The following OXSR1 variants were observed in gnomAD, a reference collection of about 807,000 sequenced individuals.
OXSR1 encodes oxidative stress responsive kinase 1.
In OXSR1, 24 loss-of-function variants were observed where a neutral mutation model predicts 79.8. The observed-to-expected ratio is 0.30, with a 90% confidence interval of 0.22 to 0.42. The LOEUF is 0.42. OXSR1 is among the 10% of genes least tolerant of loss of function. The pLI is 1.00. For synonymous variants in OXSR1, 226 were observed against 209.2 expected (o/e 1.08, Z -0.69); for missense variants, 430 against 618.4 (o/e 0.70, Z 3.23).
intron 17 of OXSR1, 64 bp downstream of exon 17, chr3:38,252,456 C>T (rs1703277809): frequency 2.0e-6 from 2 of 1,024,130 alleles, no homozygotes; most frequent in African/African-American, 3.2e-5. Context: ...TTCTCCAGAC[C>T]AGCTTCTATA....
chr3:38,174,173 G>C (rs1180335533), intron 1 of OXSR1, among the ~76,000 whole-genome samples: 1 of 152,194 alleles, frequency 6.6e-6, no homozygotes, highest in Non-Finnish European at 1.5e-5. Flanking sequence ...ATGGATGCTT[G>C]GTCCTGATTG....
At chr3:38,245,403 A>G (rs891375218) in intron 12 of OXSR1, among the ~76,000 whole-genome samples, 6 of 152,206 alleles carry the variant, frequency 3.9e-5, no homozygotes, top group African/African-American at 1.4e-4. Flanking sequence ...TTTTAGTTTT[A>G]AAGCATCACA....
chr3:38,235,363 A>T (rs1380323933), intron 10 of OXSR1, among the ~76,000 whole-genome samples: 4 of 152,320 alleles, frequency 2.6e-5, no homozygotes, highest in Non-Finnish European at 2.9e-5. Context: ...AAAAGAGTTC[A>T]AAAGGCCCAG....
intron 4 of OXSR1, among the ~76,000 whole-genome samples, chr3:38,209,223 T>TATTG (rs1395478218): frequency 2.6e-5 from 4 of 152,146 alleles, no homozygotes. Flanking sequence ...CTTATTTGGT[T>TATTG]ATTGATTGAT....
chr3:38,195,244 G>A (rs1296491439), intron 3 of OXSR1, among the ~76,000 whole-genome samples: 2 of 152,166 alleles, frequency 1.3e-5, no homozygotes, highest in East Asian at 1.9e-4. Flanking sequence ...AGTACTTAAA[G>A]GGAGTAAGTG....
chr3:38,193,853 A>G (rs991785785), intron 3 of OXSR1, among the ~76,000 whole-genome samples: 2 of 152,148 alleles, frequency 1.3e-5, no homozygotes, highest in African/African-American at 4.8e-5. Flanking sequence ...AAGTGCCTAT[A>G]TTTTTATGAG....
chr3:38,206,332 G>A (rs1040477353), intron 4 of OXSR1, among the ~76,000 whole-genome samples: 1 of 152,118 alleles, frequency 6.6e-6, no homozygotes, highest in East Asian at 1.9e-4. Flanking sequence ...TCAAGGTAAT[G>A]CTTTTGAAAT....
At chr3:38,164,391 C>T (rs1487737835), upstream of OXSR1, among the ~76,000 whole-genome samples, 3 of 152,148 alleles carry the variant, frequency 2.0e-5, no homozygotes, top group African/African-American at 7.2e-5. Context: ...GGTGGTCCGC[C>T]CGCCTCCGCC....
intron 1 of OXSR1, among the ~76,000 whole-genome samples, chr3:38,172,254 CT>C (rs199758352): frequency 4.6e-5 from 7 of 151,314 alleles, no homozygotes; most frequent in Non-Finnish European, 8.8e-5. Context: ...ATTTTCGCAT[CT>C]TTTTTTTTCT....
chr3:38,202,144 C>T (rs1344576063), intron 4 of OXSR1, among the ~76,000 whole-genome samples: 1 of 152,074 alleles, frequency 6.6e-6, no homozygotes, highest in Non-Finnish European at 1.5e-5. Context: ...TTAGTAATTT[C>T]ATAATTGGGT....
chr3:38,250,964 C>T (rs1559530818), intron 15 of OXSR1, among the ~76,000 whole-genome samples: 1 of 151,856 alleles, frequency 6.6e-6, no homozygotes, highest in African/African-American at 2.4e-5. Context: ...GATTGTACCA[C>T]CTGGAATAAC....
rs531569116 is a variant in OXSR1 at position 38,176,105 on chromosome 3, G to A, written c.71-6898G>A. 2.0e-3 allele frequency among the ~76,000 whole-genome samples: 310 copies of A among 151,914 alleles called. 1 individual carries two copies. The highest frequency in any genetic ancestry group is 7.2e-3 in the African/African-American group (300 of 41,396). On this transcript the variant is annotated intron_variant, in intron 1 of 17. Coordinates refer to ENST00000311806, the MANE Select transcript of OXSR1 (RefSeq NM_005109.3). ...CATTCCTAACAGATACCTTTTACCC[G>A]TATGTATGAATATTTATACTGAAGT...
chr3:38,236,814 A>T, intron 10 of OXSR1, 25 bp from the exon 11 acceptor site: 1 of 1,581,554 alleles, frequency 6.3e-7, no homozygotes, highest in East Asian at 2.3e-5. Context: ...TACCACCATA[A>T]CCCACTTCTC....
Position 38,165,898 on chromosome 3 carries a change from C to T in OXSR1, c.22C>T (p.Leu8=), listed in dbSNP as rs1422496415. ...CGTCATGTCCGAGGACTCGAGCGCC[C>T]TGCCCTGGTCCATCAACAGGGACGA... MSEDSSA[L]PWSINRDDYE... is the part of the protein sequence containing the mutation. Residue 8 remains leucine (L), a synonymous_variant, in exon 1 of 18, where the codon CTG becomes TTG. Coordinates refer to ENST00000311806, the MANE Select transcript of OXSR1 (RefSeq NM_005109.3). 11 of 1,611,622 alleles carry T rather than the reference C, an allele frequency of 6.8e-6. No individual in the cohort carries two copies. The highest frequency in any genetic ancestry group is 8.5e-6 in the Non-Finnish European group (10 of 1,179,608).
At chr3:38,229,569 G>A (rs934281690) in intron 8 of OXSR1, 118 bp from the exon 9 acceptor site, 94 of 717,438 alleles carry the variant, frequency 1.3e-4, no homozygotes, top group Non-Finnish European at 2.2e-4. Flanking sequence ...GGAAAGTAGA[G>A]TATACTGAGT....
intron 1 of OXSR1, among the ~76,000 whole-genome samples, chr3:38,168,019 G>A (rs1156323846): frequency 6.6e-6 from 1 of 151,890 alleles, no homozygotes; most frequent in East Asian, 1.9e-4. Flanking sequence ...TAGAGATTTC[G>A]TGATTTGTTA....
At chr3:38,169,970 G>T (rs1210459099) in intron 1 of OXSR1, among the ~76,000 whole-genome samples, 1 of 151,152 alleles carries the variant, frequency 6.6e-6, no homozygotes, top group Admixed American at 6.6e-5. Flanking sequence ...TCGCTCAAGC[G>T]ATCTGCCTGC....
At chr3:38,207,729 AC>A (rs1483957654) in intron 4 of OXSR1, among the ~76,000 whole-genome samples, 2 of 152,138 alleles carry the variant, frequency 1.3e-5, no homozygotes, top group African/African-American at 4.8e-5. Flanking sequence ...TGTAGAAACC[AC>A]TTTTGTTCGC....
intron 2 of OXSR1, among the ~76,000 whole-genome samples, chr3:38,189,558 C>G (rs1384894225): frequency 6.6e-6 from 1 of 152,144 alleles, no homozygotes; most frequent in Non-Finnish European, 1.5e-5. Flanking sequence ...TTGAGTACTC[C>G]TTATCAGTCA....
Sources: allele counts gnomAD v4.1 joint callset (sites outside exome capture counted in the v4.1 genomes callset), GRCh38; gene constraint gnomAD v4.1.1; transcripts MANE v1.5; gene names NCBI Gene and HGNC (gene_info 2026-07-23, HGNC 2026-07-21).